Variants in CLASP2 observed in about 807,000 individuals in gnomAD.
The protein encoded by CLASP2 is CLIP-associating protein 2.
In CLASP2, 47 loss-of-function variants were observed where a neutral mutation model predicts 194.4. The observed-to-expected ratio is 0.24, with a 90% CI of 0.19 to 0.31. The LOEUF is 0.31. CLASP2 is among the 10% of genes least tolerant of loss of function. The probability of loss-of-function intolerance (pLI) is 1.00; values close to 1 mark genes in which losing one functional copy is unlikely to be tolerated. For missense variants in CLASP2, 1,445 were observed against 1,823.6 expected, an observed-to-expected ratio of 0.79 and a Z score of 3.78; for synonymous variants, 619 against 633.5, an observed-to-expected ratio of 0.98 and a Z score of 0.34.
At chr3:33,644,581 T>C in intron 8 of CLASP2, 176 bp downstream of exon 8, 2 of 693,084 alleles carry the variant, frequency 2.9e-6, no homozygotes, top group Non-Finnish European at 5.1e-6. Context: ...AATAGCAGTA[T>C]ACAATATTTT....
chr3:33,655,905 T>C (rs1049663711), intron 7 of CLASP2, among the ~76,000 whole-genome samples: 1 of 152,198 alleles, frequency 6.6e-6, no homozygotes, highest in Non-Finnish European at 1.5e-5. Flanking sequence ...AGAAAGAATC[T>C]ATTTACAACA....
chr3:33,566,689 A>C (rs1263315294), intron 27 of CLASP2, 43 bp downstream of exon 27: 1 of 447,760 alleles, frequency 2.2e-6, no homozygotes, highest in African/African-American at 2.0e-5. Flanking sequence ...TTTCACAGTC[A>C]TGCAGTAAAG....
At chr3:33,670,670 C>A (rs2086994004) in intron 6 of CLASP2, among the ~76,000 whole-genome samples, 1 of 152,154 alleles carries the variant, frequency 6.6e-6, no homozygotes, top group Non-Finnish European at 1.5e-5. Flanking sequence ...GCAGAAACCT[C>A]TGTGAAAACC....
intron 38 of CLASP2, among the ~76,000 whole-genome samples, chr3:33,499,556 A>T (rs948070817): frequency 1.1e-4 from 17 of 151,882 alleles, no homozygotes; most frequent in African/African-American, 3.6e-4. Flanking sequence ...TCACCGTGTT[A>T]GCCAGGATGG....
intron 16 of CLASP2, 59 bp from the exon 17 acceptor site, chr3:33,604,268 A>T: frequency 8.9e-7 from 1 of 1,118,396 alleles, no homozygotes; most frequent in Non-Finnish European, 1.3e-6. Flanking sequence ...TCTGATAAAA[A>T]CCAATAAAAT....
intron 16 of CLASP2, among the ~76,000 whole-genome samples, chr3:33,605,967 C>A (rs990365550): frequency 6.6e-6 from 1 of 152,034 alleles, no homozygotes. Context: ...ATACATGGCA[C>A]AGGGCAAGAG....
chr3:33,568,562 A>AAAAAAAAAAAAAAATAAAAAAAAC (rs2063186209), intron 26 of CLASP2, among the ~76,000 whole-genome samples: 1 of 149,334 alleles, frequency 6.7e-6, no homozygotes, highest in African/African-American at 2.5e-5. Flanking sequence ...TCAAAAAAAA[A>AAAAAAAAAAAAAAATAAAAAAAAC]AAAAAAAAAA....
chr3:33,633,569 G>A (rs1178307562), intron 8 of CLASP2, among the ~76,000 whole-genome samples: 1 of 152,076 alleles, frequency 6.6e-6, no homozygotes, highest in Non-Finnish European at 1.5e-5. Context: ...GAGAACCGTC[G>A]ATATTAGAAT....
At chr3:33,556,887 C>T (rs754924448) in intron 29 of CLASP2, among the ~76,000 whole-genome samples, 1 of 152,092 alleles carries the variant, frequency 6.6e-6, no homozygotes, top group African/African-American at 2.4e-5. Context: ...TTAATTTGTG[C>T]ATATCTCATT....
Position 33,551,332 on chromosome 3 carries a change from T to G in CLASP2, c.3073A>C (p.Ile1025Leu). 1 of 1,613,898 alleles carries G rather than the reference T, an allele frequency of 6.2e-7. No individual in the cohort carries two copies. ...LAKQMDPGDF[I>L]NSSETRLAVS... Reference sequence around the variant, plus strand: ...GCTAGGCGAGTTTCACTGGAATTTATAAAATCTCCTGGATCCATCTGTTTG... The same window carrying G: ...GCTAGGCGAGTTTCACTGGAATTTAGAAAATCTCCTGGATCCATCTGTTTG... Residue 1025 changes from isoleucine to leucine, a missense_variant, in exon 30 of 39, where the codon ATA (isoleucine) becomes CTA (leucine). Physicochemically the swap from Ile to Leu is conservative, Grantham distance 5. Transcript: ENST00000682230.
rs917762604 is a variant in CLASP2, at chr3:33,608,698, T to C, written c.1389-72A>G. Reference sequence around the variant, plus strand: ...ACATTAACACTTTCTTTTATACTACTACACTTTGCCCCCTAAATTAAAGCA... The same window carrying C: ...ACATTAACACTTTCTTTTATACTACCACACTTTGCCCCCTAAATTAAAGCA... On this transcript the variant is annotated intron_variant, in intron 13 of 38. Coordinates refer to ENST00000682230, the MANE Select transcript of CLASP2 (RefSeq NM_001365631.1). 8.9e-6 allele frequency: 7 copies of C among 789,704 alleles called. No homozygotes were observed. In the African/African-American group the frequency reaches 1.3e-4, roughly 14 times the overall value. 48.9% of individuals were successfully genotyped at this position (789,704 alleles called of 1,614,324 possible).
intron 7 of CLASP2, 37 bp downstream of exon 7, chr3:33,663,408 T>G (rs769849081): frequency 6.5e-7 from 1 of 1,540,262 alleles, no homozygotes; most frequent in Middle Eastern, 1.7e-4. Flanking sequence ...CTTTGCTAAA[T>G]AGTCTTAGAA....
chr3:33,588,540 A>G (rs1029353699), intron 21 of CLASP2, among the ~76,000 whole-genome samples: 1 of 152,222 alleles, frequency 6.6e-6, no homozygotes, highest in African/African-American at 2.4e-5. Context: ...AATTTTGGTA[A>G]TAAGACAAAG....
intron 20 of CLASP2, 27 bp from the exon 21 acceptor site, chr3:33,592,523 A>G (rs1010462801): frequency 5.9e-6 from 9 of 1,535,394 alleles, no homozygotes; most frequent in Non-Finnish European, 8.0e-6. Flanking sequence ...TTACATAATT[A>G]AAAACATTTT....
chr3:33,708,232 C>A (rs545548175), intron 1 of CLASP2, among the ~76,000 whole-genome samples: 15 of 151,922 alleles, frequency 9.9e-5, no homozygotes, highest in Non-Finnish European at 1.5e-4. Context: ...CATCCTCCAA[C>A]CCCTGGTAAT....
intron 23 of CLASP2, 116 bp downstream of exon 23, chr3:33,581,705 G>C (rs1221891732): frequency 1.2e-5 from 8 of 665,446 alleles, no homozygotes; most frequent in Non-Finnish European, 1.3e-5. Flanking sequence ...TGACAGAAAA[G>C]GGGTAGAGAG....
intron 35 of CLASP2, 135 bp from the exon 36 acceptor site, chr3:33,516,286 T>C (rs1368778253): frequency 8.4e-6 from 5 of 596,918 alleles, no homozygotes; most frequent in Non-Finnish European, 1.3e-5. Context: ...CGGTATACTA[T>C]GTAATTAAGT....
intron 36 of CLASP2, among the ~76,000 whole-genome samples, chr3:33,515,543 G>A (rs781455151): frequency 1.3e-5 from 2 of 152,122 alleles, no homozygotes; most frequent in Non-Finnish European, 2.9e-5. Flanking sequence ...CCAGCTACTC[G>A]GGAAGCTGAG....
intron 21 of CLASP2, 65 bp downstream of exon 21, chr3:33,592,330 T>C: frequency 8.6e-7 from 1 of 1,157,468 alleles, no homozygotes; most frequent in Non-Finnish European, 1.3e-6. Flanking sequence ...AATACAGTAA[T>C]ACAAAAGCAA....
Sources: gnomAD v4.1 joint callset for allele counts (sites outside exome capture counted in the v4.1 genomes callset) on GRCh38, gnomAD v4.1.1 for gene constraint, MANE v1.5 for transcripts, NCBI Gene and HGNC (gene_info 2026-07-23, HGNC 2026-07-21) for gene names.